NTM: variants seen among roughly 807,000 people sequenced by gnomAD.
The protein encoded by NTM is IgLON family member 2.
In NTM, 13 loss-of-function variants were observed where a neutral mutation model predicts 42.1. The observed-to-expected ratio is 0.31, with a 90% CI of 0.20 to 0.49. The LOEUF (loss-of-function observed/expected upper bound fraction) is 0.49, where lower values mean the gene tolerates loss of function less well. Ranked by LOEUF, NTM falls within the 20% of genes least tolerant of loss-of-function variation. The pLI is 0.99. For missense variants in NTM, 373 were observed against 452.8 expected (o/e 0.82, Z 1.60); for synonymous variants, 187 against 179.2 (o/e 1.04, Z -0.35).
chr11:131,732,652 G>A (rs780016838), intron 1 of NTM, among the ~76,000 whole-genome samples: 13 of 152,176 alleles, frequency 8.5e-5, no homozygotes, highest in Non-Finnish European at 1.6e-4. Context: ...ACTGTTGGAT[G>A]CATGTTACCT....
At chr11:132,104,961 A>G (rs201109779) in intron 2 of NTM, among the ~76,000 whole-genome samples, 1,534 of 110,738 alleles carry the variant, frequency 0.014, 183 homozygotes, top group South Asian at 0.087. Flanking sequence ...ATATATATAT[A>G]TATATATATA....
intron 1 of NTM, among the ~76,000 whole-genome samples, chr11:131,532,180 T>G (rs185569773): frequency 7.2e-5 from 11 of 152,308 alleles, no homozygotes; most frequent in Non-Finnish European, 1.5e-4. Flanking sequence ...TCCAGAATTT[T>G]TTTTAAATCA....
chr11:132,238,310 G>A (rs1159877666), intron 4 of NTM, among the ~76,000 whole-genome samples: 1 of 152,136 alleles, frequency 6.6e-6, no homozygotes, highest in African/African-American at 2.4e-5. Context: ...GACCAAGGGA[G>A]GCAGGAGAAG....
At chr11:131,932,464 G>A (rs1177032517) in intron 2 of NTM, among the ~76,000 whole-genome samples, 5 of 152,328 alleles carry the variant, frequency 3.3e-5, no homozygotes, top group African/African-American at 1.2e-4. Context: ...TTGAGGAAAA[G>A]AGATTGTACA....
chr11:132,042,575 G>A (rs1428412948), intron 2 of NTM, among the ~76,000 whole-genome samples: 2 of 152,320 alleles, frequency 1.3e-5, no homozygotes, highest in East Asian at 1.9e-4. Context: ...TCGCTGTTGG[G>A]CACTGCCATT....
intron 1 of NTM, among the ~76,000 whole-genome samples, chr11:131,691,225 G>T (rs1305702482): frequency 6.6e-6 from 1 of 152,204 alleles, no homozygotes; most frequent in Non-Finnish European, 1.5e-5. Context: ...TGCCAGGGCG[G>T]TTCCTTCAGT....
At chr11:131,671,222 G>A (rs944305733) in intron 1 of NTM, among the ~76,000 whole-genome samples, 1 of 152,176 alleles carries the variant, frequency 6.6e-6, no homozygotes, top group African/African-American at 2.4e-5. Flanking sequence ...ATGGATGCCA[G>A]GAGGGAGCCA....
At chr11:131,545,645 T>G (rs908920045) in intron 1 of NTM, among the ~76,000 whole-genome samples, 1 of 152,128 alleles carries the variant, frequency 6.6e-6, no homozygotes, top group Non-Finnish European at 1.5e-5. Context: ...GAGAGAGACA[T>G]GAAATCAAAG....
intron 4 of NTM, among the ~76,000 whole-genome samples, chr11:132,304,515 C>T (rs1327125711): frequency 6.6e-6 from 1 of 151,860 alleles, no homozygotes; most frequent in Non-Finnish European, 1.5e-5. Context: ...CGAAACTTTT[C>T]GTTGATTTAT....
At chr11:131,703,328 G>A (rs550446458) in intron 1 of NTM, among the ~76,000 whole-genome samples, 3 of 152,226 alleles carry the variant, frequency 2.0e-5, no homozygotes, top group Non-Finnish European at 4.4e-5. Context: ...CCACCACTTT[G>A]TATCCCATAA....
At chr11:132,314,477 C>A in intron 6 of NTM, 75 bp from the exon 7 acceptor site, 2 of 1,489,294 alleles carry the variant, frequency 1.3e-6, no homozygotes, top group Non-Finnish European at 1.8e-6. Context: ...GACCAGGAAT[C>A]CCTGGGCCTA....
At chr11:131,528,023 A>G (rs760976588) in intron 1 of NTM, among the ~76,000 whole-genome samples, 8 of 152,252 alleles carry the variant, frequency 5.3e-5, no homozygotes, top group Non-Finnish European at 7.3e-5. Flanking sequence ...TCAAGTTTTC[A>G]GATGAGAAAT....
chr11:131,596,764 T>TA (rs1218752750), intron 1 of NTM, among the ~76,000 whole-genome samples: 1 of 152,236 alleles, frequency 6.6e-6, no homozygotes, highest in Non-Finnish European at 1.5e-5. Context: ...GTTAATGTGA[T>TA]ACTCAGTGTA....
intron 1 of NTM, among the ~76,000 whole-genome samples, chr11:131,407,551 G>A (rs1229203600): frequency 2.0e-5 from 3 of 152,200 alleles, no homozygotes; most frequent in Non-Finnish European, 4.4e-5. Flanking sequence ...GGAGGAGGAG[G>A]CTGAAGAAAG....
intron 1 of NTM, among the ~76,000 whole-genome samples, chr11:131,862,200 T>G (rs2046708647): frequency 6.6e-6 from 1 of 152,168 alleles, no homozygotes; most frequent in African/African-American, 2.4e-5. Context: ...AACAGCCCTG[T>G]GGAGGAGGGA....
chr11:132,055,885 A>G (rs1008955480), intron 2 of NTM, among the ~76,000 whole-genome samples: 2 of 152,210 alleles, frequency 1.3e-5, no homozygotes, highest in African/African-American at 4.8e-5. Context: ...TGAAGATCAT[A>G]TGAGATGACC....
chr11:132,244,980 G>A (rs2090862673), intron 4 of NTM, among the ~76,000 whole-genome samples: 1 of 152,230 alleles, frequency 6.6e-6, no homozygotes, highest in Admixed American at 6.5e-5. Flanking sequence ...TTCTCAGCTG[G>A]TGTAATCTGC....
chr11:131,911,247 G>C, intron 1 of NTM: 1 of 1,415,940 alleles, frequency 7.1e-7, no homozygotes, highest in Admixed American at 2.9e-5. Flanking sequence ...AGCCCCCTTT[G>C]GCCGTCCTCC....
intron 1 of NTM, among the ~76,000 whole-genome samples, chr11:131,650,812 A>C (rs1424992614): frequency 6.6e-6 from 1 of 152,228 alleles, no homozygotes; most frequent in African/African-American, 2.4e-5. Context: ...TTTCAAGAAA[A>C]TATCGAGAAA....
Sources: gnomAD v4.1 joint callset for allele counts (sites outside exome capture counted in the v4.1 genomes callset) on GRCh38, gnomAD v4.1.1 for gene constraint, MANE v1.5 for transcripts, NCBI Gene and HGNC (gene_info 2026-07-23, HGNC 2026-07-21) for gene names.